Variants in GTPBP1 observed in about 807,000 individuals in gnomAD.
GTPBP1 encodes GTP binding protein 1, also known as GTP-binding protein 1.
GTPBP1 carries 23 observed loss-of-function variants against 62.0 expected under a neutral mutation model. The ratio of observed to expected loss-of-function variants is 0.37; its 90% CI spans 0.27 to 0.53. The LOEUF (loss-of-function observed/expected upper bound fraction) is 0.53. Among genes scored for constraint, GTPBP1 ranks in the 20% least tolerant of loss-of-function variants. GTPBP1 has a pLI of 0.89. For synonymous variants in GTPBP1, 344 were observed against 364.4 expected (o/e 0.94, Z 0.64); for missense variants, 640 against 917.3 (o/e 0.70, Z 3.90).
chr22:38,738,527 A>ACT (rs911202446), downstream of GTPBP1: 3 of 1,577,072 alleles, frequency 1.9e-6, no homozygotes, highest in Non-Finnish European at 2.6e-6. This position sits in a 1 kb window ranked among gnomAD's most constrained non-coding sequence, Gnocchi z 6.6. Flanking sequence ...GATCCTCAGT[A>ACT]GAGAGGCCCA....
Position 38,728,206 on chromosome 22 carries a change from G to A in GTPBP1, c.1716+45G>A, listed in dbSNP as rs574022798. On this transcript the variant is annotated intron_variant, in intron 10 of 11. Coordinates refer to ENST00000216044, the MANE Select transcript of GTPBP1 (RefSeq NM_004286.5). ...TGCCTGCCTCCAGGAAGCACCAGGG[G>A]CCACTCCTGTTCTGTGACCCTGAGT... The A allele has an allele frequency of 1.1e-5, 15 of 1,385,434 alleles. 1 individual carries two copies. In the African/African-American group the frequency reaches 1.8e-4, roughly 17 times the overall value. The allele number at this position is 1,385,434 out of a possible 1,614,324, so 85.8% of individuals were successfully genotyped here.
intron 2 of GTPBP1, among the ~76,000 whole-genome samples, chr22:38,714,919 G>C (rs2092661218): frequency 6.6e-6 from 1 of 152,158 alleles, no homozygotes; most frequent in South Asian, 2.1e-4. Context: ...CTCAGTAACT[G>C]TTTGGTCGGT....
chr22:38,741,487 C>T (rs369532029), downstream of GTPBP1: 182 of 1,613,724 alleles, frequency 1.1e-4, no homozygotes, highest in African/African-American at 1.3e-3. Flanking sequence ...GCCGCAAGCC[C>T]GCTGACCTGG....
In GTPBP1 at chr22:38,716,285, C is replaced by T. The variant is rs916823529; in HGVS notation, c.485+198C>T. On this transcript the variant is annotated intron_variant, in intron 3 of 11. Coordinates refer to ENST00000216044, the MANE Select transcript of GTPBP1 (RefSeq NM_004286.5). The surrounding 1 kb of genome is among the most constrained non-coding windows in gnomAD (Gnocchi z 5.2). ...TGGGAAGAGCACGAGAGAGGCCAGC[C>T]GTGCATTCTGTGGCCATTCTCTGTG... 109 of 600,022 alleles carry T rather than the reference C, an allele frequency of 1.8e-4. No homozygotes were observed. Among genetic ancestry groups the T allele is most frequent in the Middle Eastern group, 1.8e-3 (4 of 2,282 alleles). 37.2% of individuals were successfully genotyped at this position (600,022 alleles called of 1,614,324 possible). A position where few individuals can be genotyped will look rare whatever the true frequency, so the allele number is the denominator to read the frequency against.
At chr22:38,724,996 C>T (rs947122613) in intron 6 of GTPBP1, among the ~76,000 whole-genome samples, 1 of 152,174 alleles carries the variant, frequency 6.6e-6, no homozygotes, top group African/African-American at 2.4e-5. Flanking sequence ...AGGTGTTCAG[C>T]TCCTTGGTGA....
intron 4 of GTPBP1, among the ~76,000 whole-genome samples, chr22:38,720,168 T>C (rs148916959): frequency 0.018 from 2,659 of 151,912 alleles, 74 homozygotes; most frequent in African/African-American, 0.062. Flanking sequence ...GACCTCATGA[T>C]CTGCCCGCCT....
downstream of GTPBP1, chr22:38,740,089 T>C: frequency 4.1e-6 from 5 of 1,224,350 alleles, no homozygotes; most frequent in Non-Finnish European, 4.5e-6. The surrounding 1 kb of genome is among the most constrained non-coding windows in gnomAD (Gnocchi z 4.8). Context: ...CCATGGGCAC[T>C]AACAAAAACA....
chr22:38,726,172 G>A lies in GTPBP1; in HGVS notation c.1218+22G>A, dbSNP rs554448638. ...CCCGGTAAGTGGCTCTGGGCGGGTA[G>A]CTGGGTGGGCACTTCCTACAGTGGC... On this transcript the variant is annotated intron_variant, in intron 7 of 11. Transcript: ENST00000216044. The surrounding 1 kb of genome is among the most constrained non-coding windows in gnomAD (Gnocchi z 4.1). The A allele has an allele frequency of 6.8e-6, 11 of 1,609,562 alleles. No individual in the cohort carries two copies. In the South Asian group the frequency reaches 1.1e-4, roughly 16 times the overall value.
chr22:38,716,725 A>G lies in GTPBP1; in HGVS notation c.559A>G (p.Asn187Asp), dbSNP rs1447256750. The change falls in exon 4 of 12, where the codon AAT becomes GAT. Residue 187 changes from asparagine to aspartate, a missense_variant. This residue lies in a region of GTPBP1 where 88 missense variants were observed against 217.0 expected (regional missense o/e 0.41). Transcript: ENST00000216044. This position sits in a 1 kb window ranked among gnomAD's most constrained non-coding sequence, Gnocchi z 5.2. ...GGTCCTGACACATGGGGAGCTGGACAATGGCCGAGGCTTTGCCCGCCAGAA... is the reference window on the plus strand; with the variant it reads ...GGTCCTGACACATGGGGAGCTGGACGATGGCCGAGGCTTTGCCCGCCAGAA... ...LGVLTHGELD[N>D]GRGFARQKLF... 6.2e-7 allele frequency: 1 copy of G among 1,614,084 alleles called. No individual in the cohort carries two copies. Among genetic ancestry groups the G allele is most frequent in the East Asian group, 2.2e-5 (1 of 44,904 alleles).
At chr22:38,722,689 T>G in intron 5 of GTPBP1, 1 of 1,587,508 alleles carries the variant, frequency 6.3e-7, no homozygotes, top group Non-Finnish European at 8.6e-7. Flanking sequence ...AAAAGCAGGC[T>G]TCAACTGTGT....
At chr22:38,738,643 T>C (rs1170032921), downstream of GTPBP1, 4 of 1,613,862 alleles carry the variant, frequency 2.5e-6, no homozygotes, top group Admixed American at 6.7e-5. This position sits in a 1 kb window ranked among gnomAD's most constrained non-coding sequence, Gnocchi z 6.6. Context: ...GACAAGGCCT[T>C]GGGCACATGC....
intron 11 of GTPBP1, 33 bp downstream of exon 11, chr22:38,729,695 T>C (rs370964174): frequency 6.4e-6 from 9 of 1,411,358 alleles, no homozygotes; most frequent in Non-Finnish European, 8.4e-6. Flanking sequence ...TTCGGCATGG[T>C]GGTGGGGGCT....
At position 38,726,370 on chromosome 22, in the gene GTPBP1, C is replaced by T. The variant is rs749455530; in HGVS notation, c.1331C>T (p.Ser444Phe). The change falls in exon 8 of 12, where the codon TCC becomes TTC. Residue 444 changes from serine (S) to phenylalanine (F), a missense_variant. Physicochemically the swap from Ser to Phe is radical, Grantham distance 155. Transcript: ENST00000216044. The surrounding 1 kb of genome is among the most constrained non-coding windows in gnomAD (Gnocchi z 4.1). ...AACTTCCTGTCCATTGCTGTCAAAT[C>T]CATCCATCGCAAGCGCATGCCTGTC... ...LGNFLSIAVK[S>F]IHRKRMPVKE... 1.1e-5 allele frequency: 17 copies of T among 1,614,050 alleles called. No individual in the cohort carries two copies. Among genetic ancestry groups the T allele is most frequent in the Non-Finnish European group, 1.3e-5 (15 of 1,179,964 alleles).
downstream of GTPBP1, chr22:38,739,959 G>T: frequency 6.2e-7 from 1 of 1,606,638 alleles, no homozygotes; most frequent in Non-Finnish European, 8.5e-7. The surrounding 1 kb of genome is among the most constrained non-coding windows in gnomAD (Gnocchi z 6.7). Flanking sequence ...GGAACCCAAA[G>T]GGGTGTCACC....
intron 4 of GTPBP1, 128 bp downstream of exon 4, chr22:38,717,128 C>T (rs1030118261): frequency 2.5e-5 from 16 of 631,042 alleles, no homozygotes; most frequent in East Asian, 5.4e-5. Flanking sequence ...GTGAGGCTGG[C>T]GAGTTTTGCA....
At chr22:38,728,495 C>T (rs2092738715) in intron 10 of GTPBP1, 1 of 318,646 alleles carries the variant, frequency 3.1e-6, no homozygotes, top group Admixed American at 3.9e-5. Context: ...CTAAGGTCTC[C>T]TCTCAGAGCA....
At chr22:38,706,593 G>A in intron 1 of GTPBP1, 1 of 163,488 alleles carries the variant, frequency 6.1e-6, no homozygotes, top group Admixed American at 6.1e-5. Context: ...CGGGCAGGGG[G>A]CCGAGACGCT....
chr22:38,742,701 C>T (rs192141486), downstream of GTPBP1: 71 of 1,106,122 alleles, frequency 6.4e-5, no homozygotes, highest in African/African-American at 9.4e-4. Context: ...CCGGCTGGAG[C>T]TCGTGGGCAG....
downstream of GTPBP1, chr22:38,737,953 A>G (rs531426989): frequency 4.3e-6 from 3 of 694,870 alleles, no homozygotes; most frequent in African/African-American, 5.3e-5. This position sits in a 1 kb window ranked among gnomAD's most constrained non-coding sequence, Gnocchi z 4.1. Context: ...TTTTCCAGGA[A>G]GCTTCCCTCA....
Sources: gnomAD v4.1 joint callset for allele counts (sites outside exome capture counted in the v4.1 genomes callset) on GRCh38, gnomAD v4.1.1 for gene constraint, gnomAD v4.1.1 regional missense constraint, Gnocchi (gnomAD v3.1) non-coding constraint, MANE v1.5 for transcripts, NCBI Gene and HGNC (gene_info 2026-07-23, HGNC 2026-07-21) for gene names.